Variants in RPS6KA5 observed in about 807,000 individuals in gnomAD.
RPS6KA5 encodes the protein ribosomal protein S6 kinase alpha-5.
A neutral mutation model predicts 85.5 loss-of-function variants in RPS6KA5; 27 were observed. The observed-to-expected ratio is 0.32, with a 90% CI of 0.23 to 0.44. The LOEUF (loss-of-function observed/expected upper bound fraction) is 0.44, where lower values mean the gene tolerates loss of function less well. Among genes scored for constraint, RPS6KA5 ranks in the 20% least tolerant of loss-of-function variants. The pLI is 1.00. For synonymous variants in RPS6KA5, 334 were observed against 348.2 expected, an observed-to-expected ratio of 0.96 and a Z score of 0.46; for missense variants, 811 against 980.9, an observed-to-expected ratio of 0.83 and a Z score of 2.31.
At chr14:91,004,811 CAA>C (rs796943134) in intron 1 of RPS6KA5, among the ~76,000 whole-genome samples, 18 of 151,558 alleles carry the variant, frequency 1.2e-4, no homozygotes, top group African/African-American at 4.4e-4. Context: ...ACTAAAAATA[CAA>C]AAAAATTAGC....
chr14:91,000,609 C>T (rs978322273), intron 2 of RPS6KA5, among the ~76,000 whole-genome samples: 11 of 151,970 alleles, frequency 7.2e-5, no homozygotes, highest in African/African-American at 2.4e-4. Flanking sequence ...CCAACCTGGC[C>T]TCGAACAACA....
intron 3 of RPS6KA5, among the ~76,000 whole-genome samples, chr14:90,971,325 A>G (rs1380828665): frequency 6.6e-6 from 1 of 152,182 alleles, no homozygotes; most frequent in East Asian, 1.9e-4. Flanking sequence ...AAAAGAAAAA[A>G]AAATTATTGG....
At chr14:90,930,303 C>T (rs544165905) in intron 5 of RPS6KA5, among the ~76,000 whole-genome samples, 3 of 152,210 alleles carry the variant, frequency 2.0e-5, no homozygotes, top group Admixed American at 1.3e-4. Context: ...AGTTGCATTT[C>T]GAATAAGAAG....
intron 1 of RPS6KA5, among the ~76,000 whole-genome samples, chr14:91,004,575 T>C (rs1361074653): frequency 1.3e-5 from 2 of 152,126 alleles, no homozygotes; most frequent in Non-Finnish European, 2.9e-5. Flanking sequence ...TTTACTAAGG[T>C]CCAACTTACA....
intron 1 of RPS6KA5, among the ~76,000 whole-genome samples, chr14:91,037,318 G>C (rs570154841): frequency 1.4e-4 from 22 of 152,312 alleles, no homozygotes; most frequent in African/African-American, 5.1e-4. Flanking sequence ...CCTAGTCACT[G>C]CCCCAAATCT....
chr14:90,892,309 C>A (rs970126574), intron 13 of RPS6KA5, among the ~76,000 whole-genome samples: 1 of 152,128 alleles, frequency 6.6e-6, no homozygotes, highest in Non-Finnish European at 1.5e-5. Context: ...GCCAGTTTCA[C>A]TTCTTAAAGC....
At position 90,871,140 on chromosome 14, in the gene RPS6KA5, G is replaced by A. The variant is rs1334459034; in HGVS notation, c.*934C>T. Reference sequence around the variant, plus strand: ...TTTCCCTTTAGGTTTTCCTCACATTGGTGCATAAGTGGCTGACTACATGAC... The same window carrying A: ...TTTCCCTTTAGGTTTTCCTCACATTAGTGCATAAGTGGCTGACTACATGAC... On this transcript the variant is annotated 3_prime_UTR_variant, in exon 17 of 17. Coordinates refer to ENST00000614987, the MANE Select transcript of RPS6KA5 (RefSeq NM_004755.4). 6.6e-6 allele frequency: 1 copy of A among 152,284 alleles called. No homozygotes were observed. The highest frequency in any genetic ancestry group is 1.5e-5 in the Non-Finnish European group (1 of 67,978). The allele number at this position is 152,284 out of a possible 1,614,324, so 9.4% of individuals were successfully genotyped here.
intron 2 of RPS6KA5, among the ~76,000 whole-genome samples, chr14:90,983,989 TG>T (rs1247583273): frequency 6.6e-6 from 1 of 152,076 alleles, no homozygotes; most frequent in Non-Finnish European, 1.5e-5. Context: ...GGACTACAGG[TG>T]CCCACGACCA....
At chr14:90,912,255 A>G (rs1475152739) in intron 7 of RPS6KA5, among the ~76,000 whole-genome samples, 2 of 152,208 alleles carry the variant, frequency 1.3e-5, no homozygotes, top group Admixed American at 6.5e-5. Flanking sequence ...GGAGTAAAGA[A>G]TTATTCAACA....
At chr14:91,057,565 G>C (rs898792924) in intron 1 of RPS6KA5, among the ~76,000 whole-genome samples, 2 of 152,176 alleles carry the variant, frequency 1.3e-5, no homozygotes, top group Admixed American at 1.3e-4. Context: ...CACACAGGCT[G>C]CTGAGCAGCC....
At chr14:90,875,908 G>T (rs1429331407) in intron 14 of RPS6KA5, among the ~76,000 whole-genome samples, 1 of 130,642 alleles carries the variant, frequency 7.7e-6, no homozygotes, top group African/African-American at 2.8e-5. Flanking sequence ...GTTGTGGGGT[G>T]GGGGGAGGGG....
Position 90,878,982 on chromosome 14 carries a change from C to G in RPS6KA5, c.1837-3622G>C, listed in dbSNP as rs74579901. On this transcript the variant is annotated intron_variant, in intron 14 of 16. Transcript: ENST00000614987. Reference sequence around the variant, plus strand: ...TGTGAAAGATGAGACTCTCTCGCAGCCACAACAGGAGAGTCTCAGAGCAGA... The same window carrying G: ...TGTGAAAGATGAGACTCTCTCGCAGGCACAACAGGAGAGTCTCAGAGCAGA... Among the ~76,000 whole-genome samples, 116 of 152,290 alleles carry G rather than the reference C, an allele frequency of 7.6e-4. No individual in the cohort carries two copies. The East Asian group carries it at 0.022, about 28-fold the overall frequency.
intron 2 of RPS6KA5, among the ~76,000 whole-genome samples, chr14:90,995,515 G>A (rs904931632): frequency 2.0e-5 from 3 of 152,200 alleles, no homozygotes; most frequent in East Asian, 1.9e-4. Flanking sequence ...TACCGCTTGA[G>A]TGCCTTAGAA....
chr14:91,044,134 G>C (rs1447756809), intron 1 of RPS6KA5, among the ~76,000 whole-genome samples: 1 of 151,918 alleles, frequency 6.6e-6, no homozygotes, highest in African/African-American at 2.4e-5. Flanking sequence ...GGCTCAGGCA[G>C]GAGAATCGCT....
Position 90,969,937 on chromosome 14 carries a change from C to T in RPS6KA5, c.394+8369G>A, listed in dbSNP as rs2039245594. Among the ~76,000 whole-genome samples the T allele has an allele frequency of 2.6e-5, 4 of 151,790 alleles. No individual in the cohort carries two copies. The South Asian group carries it at 8.3e-4, about 32-fold the overall frequency. On this transcript the variant is annotated intron_variant, in intron 3 of 16. Transcript: ENST00000614987. ...AAATTTTCCTCTTCCTTCTGATATG[C>T]TTCACTTCCATGAACTCCCATACCT...
Position 90,872,329 on chromosome 14 carries a change from G to C in RPS6KA5, c.2161-7C>G, listed in dbSNP as rs759317593. On this transcript the variant is annotated splice_region_variant and splice_polypyrimidine_tract_variant and intron_variant, in intron 16 of 16. Transcript: ENST00000614987. ...TCTTGTATTTGTTAAAGGCCTGGCG[G>C]GGGAAAAAAAGGGAACCCCTGTGAA... 8 of 1,592,636 alleles carry C rather than the reference G, an allele frequency of 5.0e-6. No homozygotes were observed. In the African/African-American group the frequency reaches 1.1e-4, roughly 22 times the overall value.
intron 7 of RPS6KA5, among the ~76,000 whole-genome samples, chr14:90,910,519 TAAAATGTTTTAG>T (rs1426532853): frequency 6.9e-6 from 1 of 145,438 alleles, no homozygotes; most frequent in Non-Finnish European, 1.5e-5. Context: ...ACTTTTATAA[TAAAATGTTTTAG>T]AAAAAGTAAA....
In RPS6KA5 at chr14:90,860,189, A is replaced by C. The variant is rs1289754005; in HGVS notation, c.*11885T>G. ...GACACATTACCTTCAAAGGAAATAT[A>C]ACTAATGGCTTTTTCCACAGAACTT... On this transcript the variant is annotated 3_prime_UTR_variant, in exon 17 of 17. Coordinates refer to ENST00000614987, the MANE Select transcript of RPS6KA5 (RefSeq NM_004755.4). 1.3e-5 allele frequency: 2 copies of C among 152,256 alleles called. No individual in the cohort carries two copies. Among genetic ancestry groups the C allele is most frequent in the Admixed American group, 1.3e-4 (2 of 15,286 alleles). 9.4% of individuals were successfully genotyped at this position (152,256 alleles called of 1,614,324 possible).
At position 90,890,473 on chromosome 14, in the gene RPS6KA5, TGAAAA is replaced by T; in HGVS notation, c.1836+9_1836+13del. 1 of 1,587,992 alleles carries T rather than the reference TGAAAA, an allele frequency of 6.3e-7. No individual in the cohort carries two copies. Among genetic ancestry groups the T allele is most frequent in the Non-Finnish European group, 8.6e-7 (1 of 1,166,142 alleles). ...AAATAAGCAGGTTTAATGACTGTATTGAAAAGAACTCACCAAAATGACGCCCAAGC... is the reference window on the plus strand; with the variant it reads ...AAATAAGCAGGTTTAATGACTGTATTGAACTCACCAAAATGACGCCCAAGC... On this transcript the variant is annotated intron_variant, in intron 14 of 16. Transcript: ENST00000614987.
Sources: allele counts gnomAD v4.1 joint callset (sites outside exome capture counted in the v4.1 genomes callset), GRCh38; gene constraint gnomAD v4.1.1; transcripts MANE v1.5; gene names NCBI Gene and HGNC (gene_info 2026-07-23, HGNC 2026-07-21).